CDKAL1: variants seen among roughly 807,000 people sequenced by gnomAD.
CDKAL1 encodes the protein threonylcarbamoyladenosine tRNA methylthiotransferase.
A neutral mutation model predicts 68.2 loss-of-function variants in CDKAL1; 32 were observed. The ratio of observed to expected loss-of-function variants is 0.47; its 90% CI spans 0.35 to 0.63. The LOEUF is 0.63. CDKAL1 is among the 30% of genes least tolerant of loss of function. The probability of loss-of-function intolerance (pLI) is 0.00; values close to 1 mark genes in which losing one functional copy is unlikely to be tolerated. For missense variants in CDKAL1, 606 were observed against 696.7 expected, an observed-to-expected ratio of 0.87 and a Z score of 1.47; for synonymous variants, 234 against 244.3, an observed-to-expected ratio of 0.96 and a Z score of 0.39.
At chr6:20,771,816 C>T (rs1250005565) in intron 7 of CDKAL1, among the ~76,000 whole-genome samples, 2 of 152,090 alleles carry the variant, frequency 1.3e-5, no homozygotes, top group East Asian at 3.9e-4. Flanking sequence ...GGTGGGCACC[C>T]CCTTTGCCTT....
intron 10 of CDKAL1, among the ~76,000 whole-genome samples, chr6:20,981,543 T>C (rs1766146386): frequency 6.6e-6 from 1 of 152,126 alleles, no homozygotes; most frequent in South Asian, 2.1e-4. Flanking sequence ...AAACATTATA[T>C]AGAAAATTTT....
chr6:20,691,114 G>A (rs936580787), intron 5 of CDKAL1, among the ~76,000 whole-genome samples: 4 of 152,096 alleles, frequency 2.6e-5, no homozygotes, highest in African/African-American at 7.2e-5. Context: ...TTATGACCAC[G>A]ACCCCACAAA....
chr6:20,602,145 T>G (rs1182237432), intron 4 of CDKAL1, among the ~76,000 whole-genome samples: 1 of 152,174 alleles, frequency 6.6e-6, no homozygotes, highest in African/African-American at 2.4e-5. Flanking sequence ...ATTTTGTAGA[T>G]GCAAAAACCA....
chr6:20,620,889 A>G (rs1024761457), intron 4 of CDKAL1, among the ~76,000 whole-genome samples: 4 of 152,090 alleles, frequency 2.6e-5, no homozygotes, highest in Admixed American at 1.3e-4. Context: ...TGTTACAATT[A>G]ATGAACCAAT....
At chr6:20,602,645 A>C (rs890942313) in intron 4 of CDKAL1, among the ~76,000 whole-genome samples, 2 of 152,144 alleles carry the variant, frequency 1.3e-5, no homozygotes, top group South Asian at 2.1e-4. Context: ...TTCCTTGGGA[A>C]GTTGGAACAC....
intron 5 of CDKAL1, among the ~76,000 whole-genome samples, chr6:20,662,698 C>T (rs1769344435): frequency 6.6e-6 from 1 of 152,232 alleles, no homozygotes; most frequent in East Asian, 1.9e-4. Flanking sequence ...GATAGTTGAA[C>T]AAATGAATGA....
intron 10 of CDKAL1, among the ~76,000 whole-genome samples, chr6:20,994,151 C>G (rs965046118): frequency 6.6e-6 from 1 of 152,182 alleles, no homozygotes; most frequent in Non-Finnish European, 1.5e-5. Flanking sequence ...AAACCTGAGA[C>G]CCTTCCCTTC....
intron 13 of CDKAL1, among the ~76,000 whole-genome samples, chr6:21,191,851 G>A (rs184002570): frequency 6.6e-6 from 1 of 151,860 alleles, no homozygotes; most frequent in East Asian, 1.9e-4. Flanking sequence ...ACAGCTGGGG[G>A]CCGTGTTTCC....
intron 11 of CDKAL1, among the ~76,000 whole-genome samples, chr6:21,051,350 G>A (rs1770526188): frequency 1.3e-5 from 2 of 152,154 alleles, no homozygotes. Context: ...CTCCAACCTA[G>A]GTGACAGAGT....
chr6:21,132,062 A>G (rs1775350476), intron 13 of CDKAL1, among the ~76,000 whole-genome samples: 1 of 152,138 alleles, frequency 6.6e-6, no homozygotes, highest in South Asian at 2.1e-4. Context: ...TGATTTGAGA[A>G]TACAGAGAGT....
chr6:20,574,091 A>G (rs890354499), intron 4 of CDKAL1, among the ~76,000 whole-genome samples: 29 of 152,174 alleles, frequency 1.9e-4, no homozygotes, highest in African/African-American at 5.8e-4. Flanking sequence ...ATTCGTTATT[A>G]TTCTGCATGG....
intron 8 of CDKAL1, 97 bp from the exon 9 acceptor site, chr6:20,845,978 T>C (rs1489908144): frequency 5.8e-6 from 4 of 692,316 alleles, no homozygotes; most frequent in African/African-American, 3.7e-5. Context: ...CAAATGTTTC[T>C]GAAAGAGCAC....
intron 12 of CDKAL1, among the ~76,000 whole-genome samples, chr6:21,072,943 C>T (rs764333649): frequency 1.4e-4 from 21 of 152,106 alleles, no homozygotes; most frequent in Non-Finnish European, 2.6e-4. Context: ...ATAGTATCAT[C>T]AGAATAATTC....
intron 4 of CDKAL1, among the ~76,000 whole-genome samples, chr6:20,643,976 C>T (rs1055675276): frequency 6.6e-6 from 1 of 151,988 alleles, no homozygotes; most frequent in African/African-American, 2.4e-5. Flanking sequence ...AGGCATGCGC[C>T]ACCATGCCTG....
intron 12 of CDKAL1, among the ~76,000 whole-genome samples, chr6:21,076,778 TA>T (rs1258839622): frequency 2.0e-5 from 3 of 152,214 alleles, no homozygotes; most frequent in Non-Finnish European, 4.4e-5. Flanking sequence ...TTGGCATTCT[TA>T]TTCTTATGCA....
rs1048852570 is a variant in CDKAL1 at position 21,232,006 on chromosome 6, T to G, written c.*967T>G. 4.9e-5 allele frequency: 7 copies of G among 143,090 alleles called. No individual in the cohort carries two copies. The highest frequency in any genetic ancestry group is 1.8e-4 in the African/African-American group (7 of 38,846). 8.9% of individuals were successfully genotyped at this position (143,090 alleles called of 1,614,324 possible). On this transcript the variant is annotated 3_prime_UTR_variant, in exon 16 of 16. Transcript: ENST00000274695. Reference sequence around the variant, plus strand: ...GATCCATTGGGGTTTTTTTTTTGTTTTTGTTTTTTTTTTTTTTTGAGTCAA... The same window carrying G: ...GATCCATTGGGGTTTTTTTTTTGTTGTTGTTTTTTTTTTTTTTTGAGTCAA...
At chr6:21,100,727 ATCAT>A (rs1773540380) in intron 12 of CDKAL1, among the ~76,000 whole-genome samples, 1 of 152,112 alleles carries the variant, frequency 6.6e-6, no homozygotes, top group African/African-American at 2.4e-5. Flanking sequence ...TGTATTTCAC[ATCAT>A]TGATGTTATA....
intron 15 of CDKAL1, among the ~76,000 whole-genome samples, chr6:21,220,145 A>T (rs16884688): frequency 0.048 from 7,305 of 152,174 alleles, 584 homozygotes; most frequent in African/African-American, 0.16. Flanking sequence ...TACAGGCTTC[A>T]TGGTTCTAAG....
intron 12 of CDKAL1, among the ~76,000 whole-genome samples, chr6:21,079,976 CTGTGTGTGTG>C (rs764266426): frequency 9.6e-5 from 13 of 135,746 alleles, no homozygotes; most frequent in Non-Finnish European, 1.6e-4. Flanking sequence ...AACTTTGTCT[CTGTGTGTGTG>C]TGTGTGTGTG....
Sources: gnomAD v4.1 joint callset for allele counts (sites outside exome capture counted in the v4.1 genomes callset) on GRCh38, gnomAD v4.1.1 for gene constraint, MANE v1.5 for transcripts, NCBI Gene and HGNC (gene_info 2026-07-23, HGNC 2026-07-21) for gene names.